The following C2orf42 variants were observed in gnomAD, a reference collection of about 807,000 sequenced individuals.
The protein encoded by C2orf42 is uncharacterized protein C2orf42.
A neutral mutation model predicts 58.9 loss-of-function variants in C2orf42; 44 were observed. The ratio of observed to expected loss-of-function variants is 0.75; its 90% CI spans 0.59 to 0.96. C2orf42 has a LOEUF of 0.96. C2orf42 is among the 40% of genes least tolerant of loss of function. The pLI is 0.00. For synonymous variants in C2orf42, 239 were observed against 265.4 expected, an observed-to-expected ratio of 0.90 and a Z score of 0.97; for missense variants, 630 against 699.2, an observed-to-expected ratio of 0.90 and a Z score of 1.12.
At chr2:70,184,099 C>T (rs1479025627) in intron 1 of C2orf42, among the ~76,000 whole-genome samples, 4 of 152,170 alleles carry the variant, frequency 2.6e-5, no homozygotes, top group African/African-American at 4.8e-5. Flanking sequence ...GTGTGAGCCA[C>T]ACAGCTTCAT....
At chr2:70,154,478 G>T (rs1243921667) in intron 9 of C2orf42, among the ~76,000 whole-genome samples, 1 of 129,876 alleles carries the variant, frequency 7.7e-6, no homozygotes, top group South Asian at 2.4e-4. Context: ...TTATAAACCC[G>T]TAATAACCCA....
rs1674668538 is a variant in C2orf42, at chr2:70,182,837, G to C, written c.-183C>G. ...TTGAGCTGTATGGTGTAACAATGCA[G>C]ACATTCTGCCTCCTCCTTCTCCACC... On this transcript the variant is annotated 5_prime_UTR_variant, in exon 2 of 10. Coordinates refer to ENST00000264434, the MANE Select transcript of C2orf42 (RefSeq NM_017880.3). 1 of 152,216 alleles carries C rather than the reference G, an allele frequency of 6.6e-6. No homozygotes were observed. Among genetic ancestry groups the C allele is most frequent in the Non-Finnish European group, 1.5e-5 (1 of 68,046 alleles). 9.4% of individuals were successfully genotyped at this position (152,216 alleles called of 1,614,324 possible). A position where few individuals can be genotyped will look rare whatever the true frequency, so the allele number is the denominator to read the frequency against.
intron 5 of C2orf42, among the ~76,000 whole-genome samples, chr2:70,173,458 G>A (rs183477336): frequency 6.6e-6 from 1 of 151,566 alleles, no homozygotes; most frequent in Admixed American, 6.6e-5. Flanking sequence ...ATACTTTTTA[G>A]TAGAGACAGG....
chr2:70,189,398 C>T (rs1267974385), intron 1 of C2orf42, among the ~76,000 whole-genome samples: 2 of 81,530 alleles, frequency 2.5e-5, no homozygotes, highest in South Asian at 4.4e-4. Context: ...AAGAGAGAAA[C>T]TCCATCTCAA....
chr2:70,184,173 A>T (rs1245498958), intron 1 of C2orf42, among the ~76,000 whole-genome samples: 1 of 151,204 alleles, frequency 6.6e-6, no homozygotes, highest in African/African-American at 2.4e-5. Flanking sequence ...GGACATTTTA[A>T]AACTATTCTT....
Position 70,150,451 on chromosome 2 carries a change from G to A in C2orf42, c.1630C>T (p.His544Tyr). Residue 544 changes from histidine to tyrosine, a missense_variant, in exon 10 of 10, where the codon CAC becomes TAC. Physicochemically the swap from His to Tyr is moderately conservative, Grantham distance 83 (BLOSUM62 2). Coordinates refer to ENST00000264434, the MANE Select transcript of C2orf42 (RefSeq NM_017880.3). ...ELRIKFEYGH[H>Y]RNGHVAEYQD... ...TACTCCGCCACATGCCCATTCCGGT[G>A]GTGGCCATACTCAAACTTGATCCGC... 3.1e-6 allele frequency: 5 copies of A among 1,614,158 alleles called. No individual in the cohort carries two copies. The highest frequency in any genetic ancestry group is 4.2e-6 in the Non-Finnish European group (5 of 1,180,004).
chr2:70,162,475 C>T (rs1476345263), intron 8 of C2orf42, among the ~76,000 whole-genome samples: 1 of 151,852 alleles, frequency 6.6e-6, no homozygotes, highest in African/African-American at 2.4e-5. Flanking sequence ...TGGTGAAAGC[C>T]TGTCTCTACT....
chr2:70,174,851 T>C (rs967338730), intron 5 of C2orf42, among the ~76,000 whole-genome samples: 6 of 151,988 alleles, frequency 3.9e-5, no homozygotes, highest in Non-Finnish European at 7.4e-5. Flanking sequence ...TTTCTATTTT[T>C]AGTAGAGACA....
intron 5 of C2orf42, among the ~76,000 whole-genome samples, chr2:70,175,434 G>C (rs552760561): frequency 2.0e-5 from 3 of 152,172 alleles, no homozygotes; most frequent in Non-Finnish European, 4.4e-5. Flanking sequence ...TTATAAGTAA[G>C]AACATACTGT....
chr2:70,182,104 C>T (rs765508463), intron 2 of C2orf42, 107 bp from the exon 3 acceptor site: 81 of 636,744 alleles, frequency 1.3e-4, no homozygotes, highest in Non-Finnish European at 1.9e-4. Context: ...AAGCTATCTA[C>T]TATTTTTTTT....
At chr2:70,151,178 C>A (rs1217954505) in intron 9 of C2orf42, among the ~76,000 whole-genome samples, 1 of 152,062 alleles carries the variant, frequency 6.6e-6, no homozygotes, top group Non-Finnish European at 1.5e-5. Context: ...AAAGTGAGAC[C>A]CTGTCTCTAC....
In C2orf42 at chr2:70,149,888, G is replaced by A; in HGVS notation, c.*468C>T. Reference sequence around the variant, plus strand: ...AACAGGCAACCATGAGATATAATTAGGAAAAACTAGTGACACTGCTTTATT... The same window carrying A: ...AACAGGCAACCATGAGATATAATTAAGAAAAACTAGTGACACTGCTTTATT... On this transcript the variant is annotated 3_prime_UTR_variant, in exon 10 of 10. Coordinates refer to ENST00000264434, the MANE Select transcript of C2orf42 (RefSeq NM_017880.3). 6.5e-6 allele frequency: 1 copy of A among 154,748 alleles called. No individual in the cohort carries two copies. Among genetic ancestry groups the A allele is most frequent in the Non-Finnish European group, 1.4e-5 (1 of 71,622 alleles). The allele number at this position is 154,748 out of a possible 1,614,324, so 9.6% of individuals were successfully genotyped here. A position where few individuals can be genotyped will look rare whatever the true frequency, so the allele number is the denominator to read the frequency against.
chr2:70,189,275 G>A (rs749843840), intron 1 of C2orf42, among the ~76,000 whole-genome samples: 8 of 151,358 alleles, frequency 5.3e-5, no homozygotes, highest in Non-Finnish European at 1.2e-4. Flanking sequence ...GCGTGGTGAC[G>A]TATGCCTGTA....
chr2:70,158,604 C>A (rs1209884063), intron 9 of C2orf42, among the ~76,000 whole-genome samples: 1 of 152,064 alleles, frequency 6.6e-6, no homozygotes, highest in Non-Finnish European at 1.5e-5. Context: ...CACACACCAC[C>A]ACACCCAGCT....
intron 8 of C2orf42, among the ~76,000 whole-genome samples, chr2:70,164,399 C>A (rs527271514): frequency 6.6e-6 from 1 of 152,040 alleles, no homozygotes; most frequent in Admixed American, 6.6e-5. Flanking sequence ...GTAATCCCAG[C>A]AGTTTGGGAG....
chr2:70,179,479 A>C, intron 4 of C2orf42, 53 bp downstream of exon 4: 2 of 642,790 alleles, frequency 3.1e-6, no homozygotes, highest in Non-Finnish European at 5.7e-6. Flanking sequence ...CATAAAACGC[A>C]GTAAAACAAT....
At chr2:70,180,429 G>C (rs746822791) in intron 3 of C2orf42, among the ~76,000 whole-genome samples, 3 of 151,614 alleles carry the variant, frequency 2.0e-5, no homozygotes, top group Non-Finnish European at 2.9e-5. Flanking sequence ...CCAACATGGA[G>C]AAACCCTGTC....
chr2:70,166,391 C>T (rs1201048280), intron 6 of C2orf42, among the ~76,000 whole-genome samples: 4 of 148,598 alleles, frequency 2.7e-5, no homozygotes, highest in East Asian at 2.0e-4. Context: ...AGAGGCCAGG[C>T]GTGGTGACTC....
intron 3 of C2orf42, among the ~76,000 whole-genome samples, chr2:70,180,040 C>T (rs1379566948): frequency 6.6e-6 from 1 of 152,160 alleles, no homozygotes; most frequent in Non-Finnish European, 1.5e-5. Context: ...GTCTGTAATC[C>T]CAGCACTCTG....
Sources: allele counts gnomAD v4.1 joint callset (sites outside exome capture counted in the v4.1 genomes callset), GRCh38; gene constraint gnomAD v4.1.1; transcripts MANE v1.5; gene names NCBI Gene and HGNC (gene_info 2026-07-23, HGNC 2026-07-21).